Variants in CACNA1D observed in about 807,000 individuals in gnomAD.
CACNA1D encodes the protein calcium voltage-gated channel subunit alpha1 D.
In CACNA1D, 55 loss-of-function variants were observed where a neutral mutation model predicts 257.1. That is an observed-to-expected ratio of 0.21 (90% CI 0.17 to 0.27). CACNA1D has a LOEUF of 0.27. Among genes scored for constraint, CACNA1D ranks in the 10% least tolerant of loss-of-function variants. The pLI is 1.00. For missense variants in CACNA1D, 1,876 were observed against 2,784.0 expected, an observed-to-expected ratio of 0.67 and a Z score of 7.34; for synonymous variants, 980 against 1,014.9, an observed-to-expected ratio of 0.97 and a Z score of 0.65.
At chr3:53,734,841 T>C (rs2095042099) in intron 19 of CACNA1D, among the ~76,000 whole-genome samples, 1 of 152,182 alleles carries the variant, frequency 6.6e-6, no homozygotes, top group Admixed American at 6.5e-5. Context: ...TGTCCTGAAG[T>C]CTCAGTTACT....
chr3:53,706,631 G>A (rs1046138327), intron 9 of CACNA1D, among the ~76,000 whole-genome samples: 11 of 152,114 alleles, frequency 7.2e-5, no homozygotes, highest in African/African-American at 2.7e-4. Flanking sequence ...AATTTTAGGG[G>A]TATAAATTTA....
chr3:53,520,260 A>G (rs1212016257), intron 3 of CACNA1D, among the ~76,000 whole-genome samples: 4 of 152,228 alleles, frequency 2.6e-5, no homozygotes, highest in African/African-American at 9.6e-5. Flanking sequence ...TACCACCAGC[A>G]ACATGTGGAG....
At chr3:53,804,885 G>A in intron 44 of CACNA1D, 98 bp from the exon 45 acceptor site, 1 of 1,141,974 alleles carries the variant, frequency 8.8e-7, no homozygotes, top group East Asian at 2.3e-5. Flanking sequence ...CTGTGTCCAA[G>A]GGAGGAGGCG....
At chr3:53,708,041 G>A (rs1233310603) in intron 9 of CACNA1D, among the ~76,000 whole-genome samples, 1 of 152,158 alleles carries the variant, frequency 6.6e-6, no homozygotes, top group African/African-American at 2.4e-5. Context: ...CTGCCTGCCC[G>A]GGGACTCTGC....
intron 35 of CACNA1D, among the ~76,000 whole-genome samples, chr3:53,776,395 C>T (rs2095397385): frequency 6.6e-6 from 1 of 152,168 alleles, no homozygotes; most frequent in East Asian, 1.9e-4. Context: ...TTTCAGAAGG[C>T]CTTCCTTCCC....
At chr3:53,654,065 G>A (rs1408841314) in intron 4 of CACNA1D, among the ~76,000 whole-genome samples, 3 of 152,168 alleles carry the variant, frequency 2.0e-5, no homozygotes. Flanking sequence ...ATATCTTTCA[G>A]AGTTAAAGTC....
chr3:53,768,818 T>C (rs2095349624), intron 30 of CACNA1D, among the ~76,000 whole-genome samples: 3 of 152,218 alleles, frequency 2.0e-5, no homozygotes, highest in Non-Finnish European at 2.9e-5. Context: ...AACTGAGCTC[T>C]ACCTTTCCCC....
At chr3:53,684,528 C>T (rs1327870260) in intron 8 of CACNA1D, among the ~76,000 whole-genome samples, 1 of 146,538 alleles carries the variant, frequency 6.8e-6, no homozygotes, top group African/African-American at 2.5e-5. Flanking sequence ...GAGGCTGAGG[C>T]AGGAGAATCG....
chr3:53,691,826 C>A (rs554959282), intron 8 of CACNA1D, among the ~76,000 whole-genome samples: 85 of 57,072 alleles, frequency 1.5e-3, no homozygotes, highest in Non-Finnish European at 2.2e-3. Flanking sequence ...TATATTATAT[C>A]TATAATATAT....
intron 3 of CACNA1D, among the ~76,000 whole-genome samples, chr3:53,507,757 C>T (rs149611794): frequency 2.0e-3 from 301 of 152,148 alleles, no homozygotes; most frequent in Non-Finnish European, 3.4e-3. Flanking sequence ...CCTTATACAA[C>T]GAACCTCCCC....
intron 37 of CACNA1D, among the ~76,000 whole-genome samples, chr3:53,777,821 C>T (rs2095406295): frequency 6.6e-6 from 1 of 152,216 alleles, no homozygotes; most frequent in South Asian, 2.1e-4. Context: ...TTTCCTTCCA[C>T]AGAACTCACG....
At chr3:53,562,546 C>CA (rs1387661033) in intron 3 of CACNA1D, among the ~76,000 whole-genome samples, 2 of 152,056 alleles carry the variant, frequency 1.3e-5, no homozygotes. Context: ...GTTTACATAT[C>CA]AAAAAATTCA....
chr3:53,636,852 A>C (rs1472570542), intron 3 of CACNA1D, among the ~76,000 whole-genome samples: 1 of 152,198 alleles, frequency 6.6e-6, no homozygotes, highest in Non-Finnish European at 1.5e-5. Context: ...CTCTGTGCAG[A>C]TCCTCTGGAG....
chr3:53,664,789 TAAAGAC>T (rs983781886), intron 5 of CACNA1D, among the ~76,000 whole-genome samples: 1 of 152,226 alleles, frequency 6.6e-6, no homozygotes, highest in African/African-American at 2.4e-5. Flanking sequence ...AACATGGGAA[TAAAGAC>T]AAAGACAAAA....
rs544853384 is a variant in CACNA1D, at chr3:53,733,843, T to C, written c.2621+881T>C. 1.9e-3 allele frequency among the ~76,000 whole-genome samples: 287 copies of C among 151,188 alleles called. 2 individuals carry two copies. The highest frequency in any genetic ancestry group is 6.3e-3 in the African/African-American group (260 of 41,138). On this transcript the variant is annotated intron_variant, in intron 19 of 47. Transcript: ENST00000350061. ...AAGATGTGATGGTAGCTTTTACAGCTCACCACTGTTTGGGTGTTCTTTAAA... is the reference window on the plus strand; with the variant it reads ...AAGATGTGATGGTAGCTTTTACAGCCCACCACTGTTTGGGTGTTCTTTAAA...
intron 3 of CACNA1D, among the ~76,000 whole-genome samples, chr3:53,588,973 C>T (rs1315141648): frequency 6.6e-6 from 1 of 152,162 alleles, no homozygotes; most frequent in African/African-American, 2.4e-5. Flanking sequence ...ACACCGTGCT[C>T]GTCTTCATTT....
chr3:53,722,483 A>C lies in CACNA1D; in HGVS notation c.1666+9A>C. ...GTTGACACAGATTCAAGGTACAAGC[A>C]GAGGCCATTCCTTTTTTGTTCTGAA... On this transcript the variant is annotated intron_variant, in intron 12 of 47. Transcript: ENST00000350061. The C allele has an allele frequency of 2.5e-6, 4 of 1,614,094 alleles. No homozygotes were observed. The highest frequency in any genetic ancestry group is 3.4e-6 in the Non-Finnish European group (4 of 1,179,940).
chr3:53,586,627 A>G (rs2093222320), intron 3 of CACNA1D, among the ~76,000 whole-genome samples: 1 of 152,178 alleles, frequency 6.6e-6, no homozygotes, highest in South Asian at 2.1e-4. Context: ...ACATTTTTAT[A>G]GAGAGCTTCA....
intron 40 of CACNA1D, among the ~76,000 whole-genome samples, chr3:53,795,478 G>C (rs965304740): frequency 1.3e-5 from 2 of 152,238 alleles, no homozygotes; most frequent in East Asian, 3.9e-4. Context: ...AACAGGCTTA[G>C]GGGCCAAGAG....
Sources: gnomAD v4.1 joint callset for allele counts (sites outside exome capture counted in the v4.1 genomes callset) on GRCh38, gnomAD v4.1.1 for gene constraint, MANE v1.5 for transcripts, NCBI Gene and HGNC (gene_info 2026-07-23, HGNC 2026-07-21) for gene names.